The following JUP variants were observed in gnomAD, a reference collection of about 807,000 sequenced individuals.
JUP encodes the protein catenin (cadherin-associated protein), gamma 80kDa.
Under a neutral mutation model 71.1 loss-of-function variants are expected in JUP, and 28 were observed. The observed-to-expected ratio is 0.39, with a 90% confidence interval of 0.29 to 0.54. JUP has a LOEUF of 0.54. Among genes scored for constraint, JUP ranks in the 20% least tolerant of loss-of-function variants. The pLI, the probability that JUP is intolerant of heterozygous loss-of-function variation, is 0.62. For missense variants in JUP, 869 were observed against 1,030.1 expected, an observed-to-expected ratio of 0.84 and a Z score of 2.14; for synonymous variants, 401 against 438.9, an observed-to-expected ratio of 0.91 and a Z score of 1.08.
intron 1 of JUP, among the ~76,000 whole-genome samples, chr17:41,780,245 A>C (rs1198386299): frequency 1.3e-5 from 2 of 152,002 alleles, no homozygotes; most frequent in Non-Finnish European, 2.9e-5. Context: ...CAAAACTTTA[A>C]AAATTAGCTG....
intron 12 of JUP, among the ~76,000 whole-genome samples, chr17:41,756,492 C>T (rs1300381312): frequency 5.3e-5 from 8 of 152,022 alleles, no homozygotes; most frequent in East Asian, 1.9e-4. Flanking sequence ...CCCAGCTACT[C>T]GGGAGGCTGA....
In JUP at chr17:41,773,927, C is replaced by T. The variant is rs1035883253; in HGVS notation, c.-8-2065G>A. 4.6e-5 allele frequency among the ~76,000 whole-genome samples: 7 copies of T among 152,306 alleles called. No individual in the cohort carries two copies. The East Asian group carries it at 5.8e-4, about 13-fold the overall frequency. ...CCGCTCTGCTGGGCTCAAGGCTGAA[C>T]GACATCTGGACACTGCTGGACATCT... On this transcript the variant is annotated intron_variant, in intron 1 of 13. Transcript: ENST00000393931.
chr17:41,769,646 G>A lies in JUP; in HGVS notation c.240C>T (p.Ala80=), dbSNP rs782139792. The stretch of plus-strand genomic sequence containing the variant: ...TGGCCTCCCGCACCCGTTTGGCCCT[G>A]GCTGTTGTGGACATCTGGTACTCCA... The part of the protein sequence containing the change: ...GDLEYQMSTT[A]RAKRVREAMC... Residue 80 remains alanine, a synonymous_variant, in exon 3 of 14, where the codon GCC becomes GCT. Transcript: ENST00000393931. 3 of 1,607,908 alleles carry A rather than the reference G, an allele frequency of 1.9e-6. No individual in the cohort carries two copies. The highest frequency in any genetic ancestry group is 2.2e-5 in the East Asian group (1 of 44,682).
chr17:41,777,802 A>AAGGGGATTTGTAGGAG (rs1274745236), intron 1 of JUP, among the ~76,000 whole-genome samples: 1 of 152,170 alleles, frequency 6.6e-6, no homozygotes, highest in African/African-American at 2.4e-5. Flanking sequence ...TAGGAAAATG[A>AAGGGGATTTGTAGGAG]AGGGGATTTG....
chr17:41,759,027 C>A (rs1261260421), intron 8 of JUP, among the ~76,000 whole-genome samples, 157 bp from the exon 9 acceptor site: 1 of 152,088 alleles, frequency 6.6e-6, no homozygotes, highest in African/African-American at 2.4e-5. Flanking sequence ...ACCATCCCAG[C>A]CATGTCACTT....
chr17:41,775,199 T>A (rs1165886149), intron 1 of JUP, among the ~76,000 whole-genome samples: 1 of 151,454 alleles, frequency 6.6e-6, no homozygotes, highest in Non-Finnish European at 1.5e-5. Context: ...GGAATGTTGA[T>A]GTCTAAGATT....
chr17:41,769,149 C>T lies in JUP; in HGVS notation c.527G>A (p.Arg176Gln), dbSNP rs144171604. 498 of 1,606,996 alleles carry T rather than the reference C, an allele frequency of 3.1e-4. 5 individuals are homozygous for T. In the Admixed American group the frequency reaches 7.0e-3, roughly 23 times the overall value. Reference protein sequence around the residue: ...VNQLSKKEASRRALMGSPQLV... With the variant: ...VNQLSKKEASQRALMGSPQLV... ...CTGGGGCGAGCCCATCAGGGCCCGC[C>T]GCGACGCCTCCTTCTTCGACAGCTG... The change falls in exon 4 of 14, where the codon CGG becomes CAG. Residue 176 changes from arginine to glutamine, a missense_variant. Arg to Gln is a conservative substitution (Grantham distance 43, BLOSUM62 1). Transcript: ENST00000393931.
intron 1 of JUP, among the ~76,000 whole-genome samples, chr17:41,784,784 C>T (rs2143937817): frequency 6.6e-6 from 1 of 152,260 alleles, no homozygotes; most frequent in South Asian, 2.1e-4. Flanking sequence ...GACTCTTCCC[C>T]TCCAAGCACT....
chr17:41,760,493 C>T (rs1371769481), intron 8 of JUP, among the ~76,000 whole-genome samples: 6 of 151,876 alleles, frequency 4.0e-5, no homozygotes, highest in East Asian at 3.9e-4. Context: ...CTCCTGACCT[C>T]GTGATCCACA....
rs781926410 is a variant in JUP at position 41,771,856 on chromosome 17, G to A, written c.-2C>T. The A allele has an allele frequency of 7.6e-5, 122 of 1,608,170 alleles. No homozygotes were observed. The highest frequency in any genetic ancestry group is 9.6e-5 in the Non-Finnish European group (113 of 1,177,340). On this transcript the variant is annotated 5_prime_UTR_variant, in exon 2 of 14. It adds an upstream start codon to the 5' untranslated region. Coordinates refer to ENST00000393931, the MANE Select transcript of JUP (RefSeq NM_002230.4). ...CTCCATCAGGTTCATCACCTCCATC[G>A]TGGCTACTGGGGGCACAAAGGAGGA...
intron 1 of JUP, among the ~76,000 whole-genome samples, chr17:41,783,893 C>CA (rs35672991): frequency 0.018 from 1,436 of 81,620 alleles, 27 homozygotes; most frequent in Non-Finnish European, 0.026. Flanking sequence ...GACTCCATCT[C>CA]AAAAAAAAAA....
At chr17:41,781,090 A>G (rs1228933149) in intron 1 of JUP, among the ~76,000 whole-genome samples, 1 of 151,472 alleles carries the variant, frequency 6.6e-6, no homozygotes, top group Non-Finnish European at 1.5e-5. Context: ...CTAAGGCAGG[A>G]GAATGGTGTG....
intron 1 of JUP, chr17:41,772,151 C>G: frequency 2.0e-6 from 1 of 510,340 alleles, no homozygotes; most frequent in South Asian, 2.0e-5. Flanking sequence ...GGGGGCAGGA[C>G]AGTCAAGGGC....
At position 41,763,337 on chromosome 17, in the gene JUP, G is replaced by A; in HGVS notation, c.1159-16C>T. On this transcript the variant is annotated splice_polypyrimidine_tract_variant and intron_variant, in intron 7 of 13. Transcript: ENST00000393931. ...CCAGGCCCTCCTGGAGGGCAAGGAA[G>A]GGACGGGGGAGTCAGGGAGCAGCCA... 3 of 1,601,530 alleles carry A rather than the reference G, an allele frequency of 1.9e-6. No individual in the cohort carries two copies. Among genetic ancestry groups the A allele is most frequent in the Non-Finnish European group, 2.6e-6 (3 of 1,168,954 alleles).
At chr17:41,766,312 G>GAAAAGGAAAAGGAAAAGGA (rs1915701979) in intron 5 of JUP, among the ~76,000 whole-genome samples, 1 of 138,684 alleles carries the variant, frequency 7.2e-6, no homozygotes, top group Non-Finnish European at 1.5e-5. Flanking sequence ...AGAGGGAAAG[G>GAAAAGGAAAAGGAAAAGGA]AAAAGGAAAA....
chr17:41,767,358 G>T, intron 5 of JUP, 21 bp downstream of exon 5: 3 of 1,610,796 alleles, frequency 1.9e-6, no homozygotes, highest in Non-Finnish European at 2.5e-6. Context: ...TCAGGCCTCG[G>T]GAGAGTTGGG....
At chr17:41,779,414 G>A (rs1409211245) in intron 1 of JUP, among the ~76,000 whole-genome samples, 14 of 128,250 alleles carry the variant, frequency 1.1e-4, no homozygotes, top group African/African-American at 4.2e-4. Flanking sequence ...TGCAAGCTCC[G>A]CCTCCCGGGT....
chr17:41,758,544 G>C, intron 9 of JUP, 26 bp from the exon 10 acceptor site: 1 of 1,602,184 alleles, frequency 6.2e-7, no homozygotes. Flanking sequence ...CAGGGGGCAT[G>C]GGACAGGTGC....
chr17:41,759,072 CTT>C (rs11404112), intron 8 of JUP, among the ~76,000 whole-genome samples: 22 of 131,056 alleles, frequency 1.7e-4, no homozygotes, highest in Admixed American at 3.1e-4. Flanking sequence ...ATGGCTAATT[CTT>C]TTTTTTTTTT....
Sources: allele counts gnomAD v4.1 joint callset (sites outside exome capture counted in the v4.1 genomes callset), GRCh38; gene constraint gnomAD v4.1.1; transcripts MANE v1.5; gene names NCBI Gene and HGNC (gene_info 2026-07-23, HGNC 2026-07-21).